LSAMP: variants seen among roughly 807,000 people sequenced by gnomAD.
The protein encoded by LSAMP is limbic system-associated membrane protein.
Under a neutral mutation model 38.6 loss-of-function variants are expected in LSAMP, and 7 were observed. The observed-to-expected ratio is 0.18, with a 90% confidence interval of 0.10 to 0.34. LSAMP has a LOEUF of 0.34. LSAMP is among the 10% of genes least tolerant of loss of function. The pLI is 1.00. For synonymous variants in LSAMP, 154 were observed against 166.8 expected (o/e 0.92, Z 0.59); for missense variants, 313 against 420.0 (o/e 0.75, Z 2.23).
chr3:115,998,275 T>A (rs966096306), intron 3 of LSAMP, among the ~76,000 whole-genome samples: 15 of 151,998 alleles, frequency 9.9e-5, no homozygotes, highest in African/African-American at 3.4e-4. Flanking sequence ...GGGTTTTAAC[T>A]GGGGTAAGGG....
intron 3 of LSAMP, among the ~76,000 whole-genome samples, chr3:115,966,070 GCAAATGTA>G (rs1938802225): frequency 6.6e-6 from 1 of 152,110 alleles, no homozygotes; most frequent in Admixed American, 6.6e-5. Flanking sequence ...GCCATGTGGG[GCAAATGTA>G]ACCATATGGC....
In LSAMP at chr3:115,808,147, T is replaced by C. The variant is rs868655438; in HGVS notation, c.*2170A>G. On this transcript the variant is annotated 3_prime_UTR_variant, in exon 7 of 7. Coordinates refer to ENST00000490035, the MANE Select transcript of LSAMP (RefSeq NM_002338.5). ...CTCCCTCCCTCCCTCCCTCCCTCCC[T>C]CCCCCCCTTCCCCGTCCCCCCCTCC... 118 of 52,896 alleles carry C rather than the reference T, an allele frequency of 2.2e-3. 1 individual carries two copies. Among genetic ancestry groups the C allele is most frequent in the African/African-American group, 9.3e-3 (112 of 12,006 alleles). 3.3% of individuals were successfully genotyped at this position (52,896 alleles called of 1,614,324 possible). A position where few individuals can be genotyped will look rare whatever the true frequency, so the allele number is the denominator to read the frequency against.
chr3:115,911,586 C>T (rs2107505712), intron 3 of LSAMP, among the ~76,000 whole-genome samples: 1 of 152,268 alleles, frequency 6.6e-6, no homozygotes. Context: ...TTAAGTAATC[C>T]ATCCTCCTTG....
At chr3:116,119,025 T>C (rs1330623337) in intron 1 of LSAMP, among the ~76,000 whole-genome samples, 1 of 152,180 alleles carries the variant, frequency 6.6e-6, no homozygotes, top group Non-Finnish European at 1.5e-5. Context: ...CAAATTTGTA[T>C]AGCAAAATGT....
chr3:115,825,325 A>C (rs1425480944), intron 6 of LSAMP, among the ~76,000 whole-genome samples: 1 of 152,200 alleles, frequency 6.6e-6, no homozygotes, highest in African/African-American at 2.4e-5. Flanking sequence ...TATTCTTTGG[A>C]GTTCCAGAAT....
At chr3:116,080,833 A>AAG (rs10661529) in intron 2 of LSAMP, among the ~76,000 whole-genome samples, 151,117 of 152,330 alleles carry the variant, frequency 0.99, 74,970 homozygotes, top group Middle Eastern at 1. Context: ...GAACAAATCT[A>AAG]ACTTCCAATT....
At chr3:115,898,277 C>A (rs375678603) in intron 3 of LSAMP, among the ~76,000 whole-genome samples, 3 of 152,018 alleles carry the variant, frequency 2.0e-5, no homozygotes, top group African/African-American at 4.8e-5. Context: ...GTTCCTAAAA[C>A]CTTTCATATG....
intron 1 of LSAMP, among the ~76,000 whole-genome samples, chr3:116,316,586 CATT>C (rs1187830193): frequency 6.6e-6 from 1 of 151,950 alleles, no homozygotes; most frequent in Non-Finnish European, 1.5e-5. Flanking sequence ...GCCTGGCCAA[CATT>C]ATGAAACCCC....
intron 2 of LSAMP, among the ~76,000 whole-genome samples, chr3:116,042,082 G>A (rs1941187059): frequency 6.6e-6 from 1 of 152,150 alleles, no homozygotes; most frequent in Non-Finnish European, 1.5e-5. Context: ...GATAATGTTA[G>A]GTGATGAACA....
chr3:115,845,400 T>G (rs969155417), intron 4 of LSAMP, among the ~76,000 whole-genome samples: 1 of 152,220 alleles, frequency 6.6e-6, no homozygotes, highest in Admixed American at 6.5e-5. Context: ...CACATGGTTA[T>G]AACTGCCAAA....
rs1026519273 is a variant in LSAMP, at chr3:116,390,048, C to T, written c.155+54829G>A. ...TAGAAATTTCTGTAATGGGTGGCAA[C>T]TTGGACTTGATTACCTCAGAAGGAC... On this transcript the variant is annotated intron_variant, in intron 1 of 6. Transcript: ENST00000490035. Among the ~76,000 whole-genome samples the T allele has an allele frequency of 3.9e-5, 6 of 151,906 alleles. No homozygotes were observed. The East Asian group carries it at 1.2e-3, about 29-fold the overall frequency.
At chr3:115,897,951 C>T (rs773224637) in intron 3 of LSAMP, among the ~76,000 whole-genome samples, 53 of 152,218 alleles carry the variant, frequency 3.5e-4, no homozygotes, top group Middle Eastern at 3.4e-3. Flanking sequence ...GGGAGCAGTT[C>T]GTGAGCTCTG....
At chr3:116,304,710 A>G (rs2047458768) in intron 1 of LSAMP, among the ~76,000 whole-genome samples, 1 of 152,102 alleles carries the variant, frequency 6.6e-6, no homozygotes, top group South Asian at 2.1e-4. Flanking sequence ...GGTATGGAGA[A>G]CATCAAGAAT....
intron 3 of LSAMP, among the ~76,000 whole-genome samples, chr3:115,860,479 A>G (rs1935643413): frequency 6.6e-6 from 1 of 152,220 alleles, no homozygotes; most frequent in Non-Finnish European, 1.5e-5. Context: ...TGAGAATAAG[A>G]CATGTGAGAA....
intron 1 of LSAMP, among the ~76,000 whole-genome samples, chr3:116,303,756 G>A (rs1272095725): frequency 2.0e-5 from 3 of 152,270 alleles, no homozygotes; most frequent in Middle Eastern, 3.4e-3. Context: ...GGATTGGCAC[G>A]GGCATACTCG....
chr3:116,258,619 A>G (rs1269695455), intron 1 of LSAMP, among the ~76,000 whole-genome samples: 1 of 152,142 alleles, frequency 6.6e-6, no homozygotes, highest in East Asian at 1.9e-4. Context: ...AAGGAAATGT[A>G]TCATATTCTA....
At chr3:116,053,016 G>A (rs568634119) in intron 2 of LSAMP, among the ~76,000 whole-genome samples, 1 of 152,294 alleles carries the variant, frequency 6.6e-6, no homozygotes, top group South Asian at 2.1e-4. Flanking sequence ...AAGAGAGGAT[G>A]TTCACTCTTA....
intron 1 of LSAMP, among the ~76,000 whole-genome samples, chr3:116,336,604 A>G (rs2047922706): frequency 6.6e-6 from 1 of 151,920 alleles, no homozygotes; most frequent in Non-Finnish European, 1.5e-5. Context: ...AGCTACTCTC[A>G]AAAGAACAGA....
chr3:115,852,266 A>G (rs1279384813), intron 4 of LSAMP, among the ~76,000 whole-genome samples: 3 of 152,242 alleles, frequency 2.0e-5, no homozygotes, highest in African/African-American at 4.8e-5. Flanking sequence ...AGAAAAGGGT[A>G]CTGTTAAATG....
Sources: allele counts gnomAD v4.1 joint callset (sites outside exome capture counted in the v4.1 genomes callset), GRCh38; gene constraint gnomAD v4.1.1; transcripts MANE v1.5; gene names NCBI Gene and HGNC (gene_info 2026-07-23, HGNC 2026-07-21).